Variants in ENTPD1 observed in about 807,000 individuals in gnomAD.
The protein encoded by ENTPD1 is ectonucleoside triphosphate diphosphohydrolase 1, also known as ATP diphosphohydrolase.
Under a neutral mutation model 57.0 loss-of-function variants are expected in ENTPD1, and 33 were observed. The ratio of observed to expected loss-of-function variants is 0.58; its 90% CI spans 0.44 to 0.77. The LOEUF is 0.77. ENTPD1 is among the 30% of genes least tolerant of loss of function. The pLI is 0.00. For synonymous variants in ENTPD1, 202 were observed against 218.8 expected, an observed-to-expected ratio of 0.92 and a Z score of 0.68; for missense variants, 501 against 603.4, an observed-to-expected ratio of 0.83 and a Z score of 1.78.
Position 95,784,102 on chromosome 10 carries a change from C to CTTTTT in ENTPD1, c.16+27859_16+27863dup, listed in dbSNP as rs200561277. Among the ~76,000 whole-genome samples the CTTTTT allele has an allele frequency of 1.4e-3, 187 of 134,582 alleles. 3 individuals carry two copies. The highest frequency in any genetic ancestry group is 3.9e-3 in the Middle Eastern group (1 of 258). 88.3% of individuals were successfully genotyped at this position (134,582 alleles called of 152,430 possible). On this transcript the variant is annotated intron_variant, in intron 1 of 9. Coordinates refer to ENST00000371205, the MANE Select transcript of ENTPD1 (RefSeq NM_001776.6). ...TGTATAATCAGGTGCTTTGCTTGTTCTTTTTTTTTTTTTTTTGATTGTAGA... is the reference window on the plus strand; with the variant it reads ...TGTATAATCAGGTGCTTTGCTTGTTCTTTTTTTTTTTTTTTTTTTTTGATTGTAGA...
At chr10:95,707,859 C>A (rs1208948227), upstream of ENTPD1, among the ~76,000 whole-genome samples, 1 of 152,224 alleles carries the variant, frequency 6.6e-6, no homozygotes, top group Non-Finnish European at 1.5e-5. Flanking sequence ...CCCACCTTGG[C>A]ATCCCAAAGT....
chr10:95,822,773 T>C (rs1309316590), intron 1 of ENTPD1, among the ~76,000 whole-genome samples: 7 of 152,234 alleles, frequency 4.6e-5, no homozygotes, highest in East Asian at 1.9e-4. Flanking sequence ...GCAAGGGGTA[T>C]GTATGTCAAG....
At chr10:95,831,046 A>C (rs964185241) in intron 2 of ENTPD1, among the ~76,000 whole-genome samples, 1 of 152,188 alleles carries the variant, frequency 6.6e-6, no homozygotes, top group Non-Finnish European at 1.5e-5. Flanking sequence ...CTGTGGGGTA[A>C]GGGGAGGGGA....
At position 95,866,436 on chromosome 10, in the gene ENTPD1, G is replaced by T; in HGVS notation, c.*53G>T. 6.2e-7 allele frequency: 1 copy of T among 1,607,530 alleles called. No homozygotes were observed. On this transcript the variant is annotated 3_prime_UTR_variant, in exon 10 of 10. Transcript: ENST00000371205. Reference sequence around the variant, plus strand: ...AGTGAGGAAAAAAATCGTCCAGGGAGCATTTTCCTCCATCGCAGTGTTCAA... The same window carrying T: ...AGTGAGGAAAAAAATCGTCCAGGGATCATTTTCCTCCATCGCAGTGTTCAA...
At chr10:95,716,522 T>C (rs1475375515) in intron 1 of ENTPD1, among the ~76,000 whole-genome samples, 1 of 152,188 alleles carries the variant, frequency 6.6e-6, no homozygotes, top group East Asian at 1.9e-4. Flanking sequence ...AATGCCATAT[T>C]GTGGGAGTGA....
chr10:95,806,860 G>T (rs938509832), intron 1 of ENTPD1, among the ~76,000 whole-genome samples: 3 of 151,430 alleles, frequency 2.0e-5, no homozygotes, highest in African/African-American at 4.9e-5. Flanking sequence ...AAATATTGCT[G>T]CCTGATCCTT....
chr10:95,818,329 A>T (rs747928998), intron 1 of ENTPD1, among the ~76,000 whole-genome samples: 11 of 152,176 alleles, frequency 7.2e-5, no homozygotes, highest in African/African-American at 9.7e-5. Context: ...GGACCCAAAC[A>T]GATCTGTTGG....
intron 1 of ENTPD1, among the ~76,000 whole-genome samples, chr10:95,787,552 CATT>C (rs1396949829): frequency 6.6e-6 from 1 of 152,086 alleles, no homozygotes; most frequent in Non-Finnish European, 1.5e-5. Flanking sequence ...ATGAGAAAGA[CATT>C]GTTGTATGAA....
intron 1 of ENTPD1, among the ~76,000 whole-genome samples, chr10:95,746,233 ACC>A (rs1213286389): frequency 6.6e-6 from 1 of 152,122 alleles, no homozygotes; most frequent in Non-Finnish European, 1.5e-5. Flanking sequence ...AAGAGAACTC[ACC>A]CTTACTGAGT....
chr10:95,730,555 G>GGA (rs1566092768), intron 1 of ENTPD1, among the ~76,000 whole-genome samples: 1 of 151,928 alleles, frequency 6.6e-6, no homozygotes, highest in Non-Finnish European at 1.5e-5. Flanking sequence ...AAATAATGGG[G>GGA]AAAAAACTAT....
In ENTPD1 at chr10:95,870,220, T is replaced by C. The variant is rs902101049; in HGVS notation, c.*3837T>C. On this transcript the variant is annotated 3_prime_UTR_variant, in exon 10 of 10. Coordinates refer to ENST00000371205, the MANE Select transcript of ENTPD1 (RefSeq NM_001776.6). ...CAAGAGACCTTGGGAAAGTTTCATCTGGATTTAAAGATTAATTCTTGATGC... is the reference window on the plus strand; with the variant it reads ...CAAGAGACCTTGGGAAAGTTTCATCCGGATTTAAAGATTAATTCTTGATGC... 4.1e-6 allele frequency: 4 copies of C among 985,358 alleles called. No homozygotes were observed. Among genetic ancestry groups the C allele is most frequent in the Non-Finnish European group, 4.8e-6 (4 of 829,948 alleles). The allele number at this position is 985,358 out of a possible 1,614,324, so 61.0% of individuals were successfully genotyped here.
At chr10:95,710,643 C>A (rs1033536685), upstream of ENTPD1, among the ~76,000 whole-genome samples, 2 of 152,022 alleles carry the variant, frequency 1.3e-5, no homozygotes, top group African/African-American at 4.8e-5. Flanking sequence ...AAAAATTTTT[C>A]TTTAGCCATT....
intron 1 of ENTPD1, among the ~76,000 whole-genome samples, chr10:95,714,633 A>G (rs1056864355): frequency 6.6e-6 from 1 of 152,230 alleles, no homozygotes; most frequent in Non-Finnish European, 1.5e-5. Context: ...TATTATACCA[A>G]ACAGAGATGA....
chr10:95,728,612 G>T (rs1393908580), intron 1 of ENTPD1, among the ~76,000 whole-genome samples: 2 of 152,052 alleles, frequency 1.3e-5, no homozygotes, highest in African/African-American at 4.8e-5. Flanking sequence ...TAAACACAAT[G>T]AAAAATATGT....
At chr10:95,817,553 A>G (rs2098334344) in intron 1 of ENTPD1, among the ~76,000 whole-genome samples, 1 of 152,242 alleles carries the variant, frequency 6.6e-6, no homozygotes, top group South Asian at 2.1e-4. Context: ...AGTGCCCTCA[A>G]GGCCTTATGA....
chr10:95,823,958 T>C (rs1412531795), intron 2 of ENTPD1, among the ~76,000 whole-genome samples: 3 of 152,250 alleles, frequency 2.0e-5, no homozygotes, highest in African/African-American at 7.2e-5. Flanking sequence ...TCTTGTGACA[T>C]TTCTACATTT....
intron 1 of ENTPD1, among the ~76,000 whole-genome samples, chr10:95,761,402 C>T (rs1456438431): frequency 6.6e-6 from 1 of 152,102 alleles, no homozygotes; most frequent in Non-Finnish European, 1.5e-5. Context: ...AGTTCCCAGG[C>T]GATGATAATG....
intron 7 of ENTPD1, among the ~76,000 whole-genome samples, chr10:95,857,158 G>C (rs560666363): frequency 1.3e-5 from 2 of 152,272 alleles, no homozygotes; most frequent in South Asian, 4.1e-4. Context: ...TTTTTCAAGA[G>C]CCGATGGCAT....
intron 1 of ENTPD1, among the ~76,000 whole-genome samples, chr10:95,716,957 A>G: frequency 6.6e-6 from 1 of 152,204 alleles, no homozygotes; most frequent in Non-Finnish European, 1.5e-5. Context: ...GTCCCTGCTC[A>G]CTACCTAAGG....
Sources: allele counts gnomAD v4.1 joint callset (sites outside exome capture counted in the v4.1 genomes callset), GRCh38; gene constraint gnomAD v4.1.1; transcripts MANE v1.5; gene names NCBI Gene and HGNC (gene_info 2026-07-23, HGNC 2026-07-21).